Variants in ZNF362 observed in about 807,000 individuals in gnomAD.
The protein encoded by ZNF362 is rotund homolog.
A neutral mutation model predicts 42.9 loss-of-function variants in ZNF362; 11 were observed. That is an observed-to-expected ratio of 0.26 (90% CI 0.16 to 0.42). The LOEUF is 0.42. Ranked by LOEUF, ZNF362 falls within the 20% of genes least tolerant of loss-of-function variation. ZNF362 has a pLI of 1.00. For missense variants in ZNF362, 362 were observed against 576.2 expected (o/e 0.63, Z 3.81); for synonymous variants, 255 against 257.3 (o/e 0.99, Z 0.09).
the ZNF362 span, among the ~76,000 whole-genome samples, chr1:33,134,601 A>G: frequency 6.6e-6 from 1 of 152,196 alleles, no homozygotes. Context: ...ATCCGGTAGT[A>G]GGATGGGCTG....
the ZNF362 span, among the ~76,000 whole-genome samples, chr1:33,156,937 C>T: frequency 6.6e-6 from 1 of 151,086 alleles, no homozygotes. Context: ...CCTTCCCACC[C>T]CCTCCACTAC....
the ZNF362 span, among the ~76,000 whole-genome samples, chr1:33,144,174 T>G: frequency 1.3e-5 from 2 of 150,792 alleles, no homozygotes; most frequent in Non-Finnish European, 2.9e-5. Context: ...GTTTCGCTCT[T>G]TGCCCAGGCT....
the ZNF362 span, among the ~76,000 whole-genome samples, chr1:33,243,100 C>T: frequency 7.2e-6 from 1 of 139,260 alleles, no homozygotes; most frequent in Non-Finnish European, 1.6e-5. Flanking sequence ...CAAATCACCA[C>T]AACTGTTATT....
At chr1:33,160,748 G>C in the ZNF362 span, among the ~76,000 whole-genome samples, 1 of 152,100 alleles carries the variant, frequency 6.6e-6, no homozygotes, top group East Asian at 1.9e-4. Flanking sequence ...CTCATTCAGG[G>C]GGCTCAAGGA....
the ZNF362 span, among the ~76,000 whole-genome samples, chr1:33,184,564 G>C: frequency 6.6e-6 from 1 of 152,152 alleles, no homozygotes; most frequent in South Asian, 2.1e-4. Flanking sequence ...TCTTGAGTTG[G>C]AACATAGATG....
the ZNF362 span, chr1:33,165,642 C>T: frequency 1.3e-4 from 169 of 1,319,392 alleles, no homozygotes; most frequent in African/African-American, 2.2e-4. This position sits in a 1 kb window ranked among gnomAD's most constrained non-coding sequence, Gnocchi z 4.0. Context: ...CACTGCCAGG[C>T]GCTGGGGGTT....
intron 6 of ZNF362, chr1:33,282,035 A>C (rs1025072436): frequency 1.7e-6 from 1 of 576,176 alleles, no homozygotes; most frequent in African/African-American, 1.9e-5. Flanking sequence ...TTTACCAGAG[A>C]GACACCCCTC....
chr1:33,215,572 C>G, the ZNF362 span, among the ~76,000 whole-genome samples: 26 of 152,076 alleles, frequency 1.7e-4, no homozygotes, highest in Non-Finnish European at 4.4e-5. Flanking sequence ...ACCCTGATTA[C>G]CCTGATGTGA....
At chr1:33,144,289 C>G in the ZNF362 span, among the ~76,000 whole-genome samples, 3 of 152,218 alleles carry the variant, frequency 2.0e-5, no homozygotes, top group African/African-American at 7.2e-5. Context: ...AGGCATGTGC[C>G]ACCACACCCG....
chr1:33,158,623 T>C, the ZNF362 span, among the ~76,000 whole-genome samples: 2 of 152,218 alleles, frequency 1.3e-5, no homozygotes, highest in African/African-American at 4.8e-5. Context: ...TGGCATAACA[T>C]ATACAGATGC....
chr1:33,236,663 TTTTG>T, the ZNF362 span, among the ~76,000 whole-genome samples: 1 of 148,870 alleles, frequency 6.7e-6, no homozygotes, highest in Non-Finnish European at 1.5e-5. Flanking sequence ...GTGTAGTCTA[TTTTG>T]TTTATTCTTA....
the ZNF362 span, among the ~76,000 whole-genome samples, chr1:33,242,346 G>A: frequency 5.3e-5 from 8 of 152,168 alleles, no homozygotes. Context: ...GAAATCAAGG[G>A]AGGTGAGCAT....
chr1:33,142,995 A>G, the ZNF362 span: 6 of 152,190 alleles, frequency 3.9e-5, no homozygotes, highest in Admixed American at 3.3e-4. Flanking sequence ...GGGGCTCCAA[A>G]TGGGGTTACT....
the ZNF362 span, among the ~76,000 whole-genome samples, chr1:33,180,485 C>T: frequency 3.9e-4 from 60 of 152,304 alleles, no homozygotes; most frequent in African/African-American, 1.3e-3. Flanking sequence ...GTTTCACCCT[C>T]ACCTGTCCAG....
chr1:33,136,263 TTC>T, the ZNF362 span, among the ~76,000 whole-genome samples: 2 of 151,156 alleles, frequency 1.3e-5, no homozygotes, highest in African/African-American at 2.4e-5. Context: ...TTCTTTTTCT[TTC>T]TCTCTTTCTT....
At chr1:33,279,584 T>G (rs1297379490) in intron 4 of ZNF362, among the ~76,000 whole-genome samples, 2 of 152,060 alleles carry the variant, frequency 1.3e-5, no homozygotes, top group Non-Finnish European at 2.9e-5. Context: ...TTTAAAAGAA[T>G]AACTTTTATT....
At chr1:33,255,431 CG>C (rs1318254846), upstream of ZNF362, among the ~76,000 whole-genome samples, 1 of 151,852 alleles carries the variant, frequency 6.6e-6, no homozygotes, top group African/African-American at 2.4e-5. Flanking sequence ...GCCCAGCGGT[CG>C]GGGGGTGGTG....
At chr1:33,178,656 T>C in the ZNF362 span, among the ~76,000 whole-genome samples, 1 of 152,174 alleles carries the variant, frequency 6.6e-6, no homozygotes, top group South Asian at 2.1e-4. Context: ...CTGACCCCAT[T>C]GTACAGACAG....
chr1:33,129,410 G>A, the ZNF362 span, among the ~76,000 whole-genome samples: 2 of 152,074 alleles, frequency 1.3e-5, no homozygotes, highest in Non-Finnish European at 2.9e-5. This position sits in a 1 kb window ranked among gnomAD's most constrained non-coding sequence, Gnocchi z 4.1. Flanking sequence ...TGATAAAGGC[G>A]GTACACAGAC....
Sources: allele counts gnomAD v4.1 joint callset (sites outside exome capture counted in the v4.1 genomes callset), GRCh38; gene constraint gnomAD v4.1.1; non-coding constraint Gnocchi (gnomAD v3.1); transcripts MANE v1.5; gene names NCBI Gene and HGNC (gene_info 2026-07-23, HGNC 2026-07-21).